Variants in NRXN1 observed in about 807,000 individuals in gnomAD.
NRXN1 encodes neurexin 1, also known as neurexin-1.
A neutral mutation model predicts 150.9 loss-of-function variants in NRXN1; 39 were observed. The ratio of observed to expected loss-of-function variants is 0.26; its 90% CI spans 0.20 to 0.34. The LOEUF (loss-of-function observed/expected upper bound fraction) is 0.34, where lower values mean the gene tolerates loss of function less well. Among genes scored for constraint, NRXN1 ranks in the 10% least tolerant of loss-of-function variants. The pLI, the probability that NRXN1 is intolerant of heterozygous loss-of-function variation, is 1.00. For synonymous variants in NRXN1, 924 were observed against 757.0 expected, an observed-to-expected ratio of 1.22 and a Z score of -3.62; for missense variants, 1,815 against 1,949.9, an observed-to-expected ratio of 0.93 and a Z score of 1.30.
chr2:50,261,012 A>G lies in NRXN1; in HGVS notation c.3365-24042T>C, dbSNP rs939587677. On this transcript the variant is annotated intron_variant, in intron 17 of 22. Transcript: ENST00000401669. ...AATTGAAAAAGAACAGAGAAAAAAA[A>G]TCCCTCAAAAAGACTTCATGGGTTT... 2.6e-5 allele frequency among the ~76,000 whole-genome samples: 4 copies of G among 151,826 alleles called. No homozygotes were observed. In the East Asian group the frequency reaches 7.7e-4, roughly 29 times the overall value.
At chr2:50,031,445 A>T (rs1487712183) in intron 21 of NRXN1, among the ~76,000 whole-genome samples, 1 of 152,134 alleles carries the variant, frequency 6.6e-6, no homozygotes, top group Non-Finnish European at 1.5e-5. Flanking sequence ...TTACAATTTC[A>T]GAAATTATCT....
intron 2 of NRXN1, among the ~76,000 whole-genome samples, chr2:50,953,465 T>C (rs1691741737): frequency 6.6e-6 from 1 of 151,994 alleles, no homozygotes; most frequent in Non-Finnish European, 1.5e-5. Flanking sequence ...AAACACATCA[T>C]ACATCATGTG....
chr2:50,610,740 G>T (rs1677959283), intron 8 of NRXN1, among the ~76,000 whole-genome samples: 1 of 121,638 alleles, frequency 8.2e-6, no homozygotes, highest in African/African-American at 3.2e-5. Context: ...CTAGAACATA[G>T]CTTGTAATTA....
chr2:50,113,918 G>A (rs185772625), intron 18 of NRXN1, among the ~76,000 whole-genome samples: 25 of 152,200 alleles, frequency 1.6e-4, no homozygotes, highest in Admixed American at 6.5e-4. Flanking sequence ...TATGTACACA[G>A]GAGACTATGT....
At chr2:49,927,268 T>C (rs958358832) in intron 22 of NRXN1, among the ~76,000 whole-genome samples, 9 of 152,242 alleles carry the variant, frequency 5.9e-5, no homozygotes, top group Non-Finnish European at 1.2e-4. Flanking sequence ...TATAACTTTC[T>C]AAATTTGTTT....
intron 22 of NRXN1, among the ~76,000 whole-genome samples, chr2:49,942,614 T>TA (rs112672714): frequency 0.013 from 1,975 of 148,922 alleles, 38 homozygotes; most frequent in African/African-American, 0.042. Context: ...TTATTATTAT[T>TA]TTATTATTAT....
At position 50,321,696 on chromosome 2, in the gene NRXN1, G is replaced by A. The variant is rs552445409; in HGVS notation, c.3365-84726C>T. Among the ~76,000 whole-genome samples the A allele has an allele frequency of 6.6e-4, 101 of 152,120 alleles. 3 individuals are homozygous for A. The South Asian group carries it at 0.02, about 30-fold the overall frequency. ...GGTTTTGTTTTAAATTGGGGAAAAT[G>A]ACAAAAATTAGCAGTTATTAACTTC... On this transcript the variant is annotated intron_variant, in intron 17 of 22. Transcript: ENST00000401669.
intron 5 of NRXN1, among the ~76,000 whole-genome samples, chr2:50,704,985 A>G (rs1030791332): frequency 6.6e-6 from 1 of 151,950 alleles, no homozygotes; most frequent in Non-Finnish European, 1.5e-5. Flanking sequence ...TTACTTGCCT[A>G]AAGTTATGCA....
chr2:50,197,139 C>A (rs771088629), intron 18 of NRXN1, among the ~76,000 whole-genome samples: 1 of 152,036 alleles, frequency 6.6e-6, no homozygotes, highest in Non-Finnish European at 1.5e-5. Context: ...AATTATAGTC[C>A]ACTTTTTGAT....
intron 5 of NRXN1, among the ~76,000 whole-genome samples, chr2:50,714,820 A>G (rs1259092620): frequency 6.6e-6 from 1 of 152,210 alleles, no homozygotes; most frequent in African/African-American, 2.4e-5. Flanking sequence ...TATGAGCAGG[A>G]TAATGGGCAG....
At chr2:50,771,781 C>G (rs1703042175) in intron 5 of NRXN1, among the ~76,000 whole-genome samples, 1 of 152,034 alleles carries the variant, frequency 6.6e-6, no homozygotes, top group East Asian at 1.9e-4. Flanking sequence ...TGTGATGAAC[C>G]TAGGGACACA....
chr2:50,847,529 C>G (rs1673842017), intron 5 of NRXN1, among the ~76,000 whole-genome samples: 1 of 152,108 alleles, frequency 6.6e-6, no homozygotes, highest in African/African-American at 2.4e-5. Flanking sequence ...GGCTCCACCC[C>G]CACGGACCCA....
intron 5 of NRXN1, chr2:50,631,220 T>C: frequency 2.5e-6 from 1 of 395,728 alleles, no homozygotes; most frequent in East Asian, 9.4e-5. Flanking sequence ...TCTCTTGTTC[T>C]GCAGCGAGTA....
At chr2:50,262,422 G>T (rs188961317) in intron 17 of NRXN1, among the ~76,000 whole-genome samples, 2 of 151,712 alleles carry the variant, frequency 1.3e-5, no homozygotes, top group African/African-American at 4.8e-5. Flanking sequence ...ACCAGTTCCA[G>T]GTTTATTAGA....
At chr2:50,515,900 G>C (rs2092617750) in intron 12 of NRXN1, among the ~76,000 whole-genome samples, 1 of 151,924 alleles carries the variant, frequency 6.6e-6, no homozygotes. Context: ...GAGAGGATAT[G>C]TTTCCCAGGT....
At chr2:50,060,233 T>C (rs995900895) in intron 19 of NRXN1, among the ~76,000 whole-genome samples, 6 of 152,174 alleles carry the variant, frequency 3.9e-5, no homozygotes, top group Admixed American at 1.3e-4. Flanking sequence ...ATGTAAAACA[T>C]GGAGTCAAAG....
intron 21 of NRXN1, among the ~76,000 whole-genome samples, chr2:50,015,017 T>G (rs1385755384): frequency 6.6e-6 from 1 of 152,344 alleles, no homozygotes; most frequent in African/African-American, 2.4e-5. Context: ...ATGTTCTACA[T>G]AATTTTTAAG....
At chr2:50,088,275 A>C (rs1699075081) in intron 19 of NRXN1, among the ~76,000 whole-genome samples, 1 of 152,164 alleles carries the variant, frequency 6.6e-6, no homozygotes, top group African/African-American at 2.4e-5. Context: ...CCAAGAGAAA[A>C]AGGTATTTGA....
At chr2:50,381,125 T>C (rs986577527) in intron 17 of NRXN1, among the ~76,000 whole-genome samples, 2 of 152,026 alleles carry the variant, frequency 1.3e-5, no homozygotes, top group Admixed American at 1.3e-4. Context: ...CAATGCAGAA[T>C]GAATGAATGG....
Sources: gnomAD v4.1 joint callset for allele counts (sites outside exome capture counted in the v4.1 genomes callset) on GRCh38, gnomAD v4.1.1 for gene constraint, MANE v1.5 for transcripts, NCBI Gene and HGNC (gene_info 2026-07-23, HGNC 2026-07-21) for gene names.